The following STPG2 variants were observed in gnomAD, a reference collection of about 807,000 sequenced individuals.
STPG2 encodes sperm-tail PG-rich repeat-containing protein 2.
STPG2 carries 56 observed loss-of-function variants against 54.2 expected under a neutral mutation model. The observed-to-expected ratio is 1.03, with a 90% CI of 0.83 to 1.29. The LOEUF (loss-of-function observed/expected upper bound fraction) is 1.29. Among genes scored for constraint, STPG2 ranks in the 50% most tolerant of loss-of-function variants. The pLI is 0.00. For missense variants in STPG2, 596 were observed against 544.9 expected, an observed-to-expected ratio of 1.09 and a Z score of -0.93; for synonymous variants, 200 against 181.8, an observed-to-expected ratio of 1.10 and a Z score of -0.81.
intron 4 of STPG2, among the ~76,000 whole-genome samples, chr4:97,498,430 CT>C (rs1193675131): frequency 5.3e-5 from 8 of 151,780 alleles, no homozygotes; most frequent in Non-Finnish European, 1.2e-4. Flanking sequence ...AGAAAACTTA[CT>C]TTTTTCTTGA....
intron 8 of STPG2, among the ~76,000 whole-genome samples, chr4:97,891,735 T>G (rs550376022): frequency 6.6e-6 from 1 of 152,130 alleles, no homozygotes; most frequent in Non-Finnish European, 1.5e-5. Context: ...ATTTCTAGTC[T>G]TGTTTTTTGA....
At chr4:97,801,335 T>C (rs1727390187) in intron 9 of STPG2, among the ~76,000 whole-genome samples, 1 of 152,224 alleles carries the variant, frequency 6.6e-6, no homozygotes, top group Non-Finnish European at 1.5e-5. Context: ...TCCCCATTTC[T>C]ACACTTTTTT....
intron 8 of STPG2, among the ~76,000 whole-genome samples, chr4:97,869,319 C>G (rs1043609872): frequency 1.3e-5 from 2 of 151,302 alleles, no homozygotes; most frequent in Admixed American, 6.6e-5. Flanking sequence ...AATGAAAAAA[C>G]TAAAAGTTAA....
chr4:97,848,850 T>C (rs934697350), intron 8 of STPG2, among the ~76,000 whole-genome samples: 1 of 150,572 alleles, frequency 6.6e-6, no homozygotes, highest in South Asian at 2.1e-4. Flanking sequence ...TTCTGTTCCA[T>C]TGATCTATAT....
At chr4:97,525,131 C>G (rs1276371781) in intron 4 of STPG2, among the ~76,000 whole-genome samples, 2 of 151,814 alleles carry the variant, frequency 1.3e-5, no homozygotes, top group Admixed American at 6.6e-5. Flanking sequence ...GCATTTTGCT[C>G]TAATTGTATT....
intron 7 of STPG2, among the ~76,000 whole-genome samples, chr4:97,945,888 A>T (rs77143449): frequency 6.6e-6 from 1 of 152,024 alleles, no homozygotes; most frequent in Non-Finnish European, 1.5e-5. Flanking sequence ...GTGAAACCCT[A>T]TCTCTACAAA....
chr4:97,461,813 T>G (rs1445115002), intron 4 of STPG2, among the ~76,000 whole-genome samples: 1 of 152,202 alleles, frequency 6.6e-6, no homozygotes, highest in Non-Finnish European at 1.5e-5. Context: ...TGTCTGCCTC[T>G]TTTAAATCTA....
rs191241581 is a variant in STPG2 at position 98,110,000 on chromosome 4, T to C, written c.388-695A>G. Reference sequence around the variant, plus strand: ...TAAAGCATAACACAACAGTAGCTTCTTTTTTACAGGAATCCTCTTGACCTA... The same window carrying C: ...TAAAGCATAACACAACAGTAGCTTCCTTTTTACAGGAATCCTCTTGACCTA... On this transcript the variant is annotated intron_variant, in intron 3 of 10. Coordinates refer to ENST00000295268, the MANE Select transcript of STPG2 (RefSeq NM_174952.3). Among the ~76,000 whole-genome samples, 40 of 152,312 alleles carry C rather than the reference T, an allele frequency of 2.6e-4. 1 individual carries two copies. The East Asian group carries it at 7.5e-3, about 29-fold the overall frequency.
chr4:97,604,606 A>G (rs565955923), intron 10 of STPG2, among the ~76,000 whole-genome samples: 5 of 151,732 alleles, frequency 3.3e-5, no homozygotes, highest in East Asian at 3.9e-4. Flanking sequence ...AAAGAGCCCA[A>G]TCTTTACCGG....
intron 10 of STPG2, among the ~76,000 whole-genome samples, chr4:97,691,408 C>T (rs1341277595): frequency 1.3e-5 from 2 of 152,006 alleles, no homozygotes; most frequent in Admixed American, 6.6e-5. Context: ...TGTTGGCTTT[C>T]CCCCACTTCC....
At chr4:97,460,281 T>C (rs1336286835) in intron 4 of STPG2, among the ~76,000 whole-genome samples, 3 of 152,188 alleles carry the variant, frequency 2.0e-5, no homozygotes, top group African/African-American at 7.2e-5. Flanking sequence ...CTGCTTTATT[T>C]TTTTCTATTT....
intron 9 of STPG2, among the ~76,000 whole-genome samples, chr4:97,737,893 C>A (rs145468396): frequency 5.6e-4 from 85 of 152,156 alleles, no homozygotes; most frequent in Admixed American, 1.9e-3. Context: ...AAGAGCAACT[C>A]CAAGACACAA....
chr4:97,600,665 T>G (rs1463850908), intron 10 of STPG2, among the ~76,000 whole-genome samples: 1 of 151,966 alleles, frequency 6.6e-6, no homozygotes, highest in African/African-American at 2.4e-5. Context: ...GAAGATATAG[T>G]CACACACAGA....
At chr4:97,849,665 A>C (rs1729087701) in intron 8 of STPG2, among the ~76,000 whole-genome samples, 1 of 152,282 alleles carries the variant, frequency 6.6e-6, no homozygotes. Flanking sequence ...AAAACACATG[A>C]AAAAATGCTC....
chr4:97,627,322 T>C (rs1013886640), intron 10 of STPG2, among the ~76,000 whole-genome samples: 1 of 152,190 alleles, frequency 6.6e-6, no homozygotes, highest in African/African-American at 2.4e-5. Flanking sequence ...TTGAGATTCA[T>C]TGCCTAGTGC....
chr4:97,805,676 T>C (rs1220912622), intron 9 of STPG2, among the ~76,000 whole-genome samples: 2 of 152,142 alleles, frequency 1.3e-5, no homozygotes, highest in Non-Finnish European at 2.9e-5. Flanking sequence ...AGGTCTTTGT[T>C]GAATGAATAG....
intron 3 of STPG2, among the ~76,000 whole-genome samples, chr4:98,125,201 A>G (rs530916303): frequency 9.8e-5 from 15 of 152,286 alleles, no homozygotes; most frequent in Admixed American, 6.5e-4. Flanking sequence ...GTCTCAGCCC[A>G]GTTCTGTGTC....
chr4:97,676,581 G>C (rs998415478), intron 10 of STPG2, among the ~76,000 whole-genome samples: 1 of 143,110 alleles, frequency 7.0e-6, no homozygotes, highest in Non-Finnish European at 1.5e-5. Flanking sequence ...AAGGAAAGGA[G>C]GGAGGGAGGG....
intron 4 of STPG2, among the ~76,000 whole-genome samples, chr4:97,539,067 G>A (rs895948116): frequency 7.2e-5 from 11 of 152,184 alleles, no homozygotes; most frequent in Non-Finnish European, 8.8e-5. Flanking sequence ...AGGAAAAACT[G>A]GTACCAGCCA....
Sources: gnomAD v4.1 joint callset for allele counts (sites outside exome capture counted in the v4.1 genomes callset) on GRCh38, gnomAD v4.1.1 for gene constraint, MANE v1.5 for transcripts, NCBI Gene and HGNC (gene_info 2026-07-23, HGNC 2026-07-21) for gene names.